The following RUNX1 variants were observed in gnomAD, a reference collection of about 807,000 sequenced individuals.
RUNX1 encodes runt-related transcription factor 1.
Under a neutral mutation model 42.8 loss-of-function variants are expected in RUNX1, and 19 were observed. That is an observed-to-expected ratio of 0.44 (90% CI 0.31 to 0.65). The LOEUF is 0.65. RUNX1 is among the 30% of genes least tolerant of loss of function. The pLI, the probability that RUNX1 is intolerant of heterozygous loss-of-function variation, is 0.07. For missense variants in RUNX1, 528 were observed against 672.0 expected (o/e 0.79, Z 2.37); for synonymous variants, 271 against 289.4 (o/e 0.94, Z 0.64).
At chr21:34,952,645 T>C (rs2058617228) in intron 2 of RUNX1, among the ~76,000 whole-genome samples, 1 of 152,166 alleles carries the variant, frequency 6.6e-6, no homozygotes, top group East Asian at 1.9e-4. Flanking sequence ...AACACCTCTC[T>C]AGAAGGTAAA....
intron 2 of RUNX1, among the ~76,000 whole-genome samples, chr21:34,972,731 T>C (rs1198402073): frequency 6.6e-6 from 1 of 152,200 alleles, no homozygotes; most frequent in Non-Finnish European, 1.5e-5. Flanking sequence ...ATTGATTAAC[T>C]CTACAAAGAA....
intron 2 of RUNX1, 90 bp downstream of exon 2, chr21:35,048,752 G>C: frequency 9.4e-7 from 1 of 1,062,282 alleles, no homozygotes; most frequent in South Asian, 1.3e-5. Context: ...CAGGCACCGA[G>C]GCATCTCTGC....
At chr21:34,821,516 C>G (rs1357569350) in intron 7 of RUNX1, 1 of 1,502,180 alleles carries the variant, frequency 6.7e-7, no homozygotes, top group East Asian at 2.5e-5. Flanking sequence ...GGAGAAGGGA[C>G]ACGGAGGAAT....
chr21:35,026,136 T>C (rs915739486), intron 2 of RUNX1, among the ~76,000 whole-genome samples: 1 of 152,202 alleles, frequency 6.6e-6, no homozygotes, highest in Non-Finnish European at 1.5e-5. Context: ...GCTTGTACTT[T>C]TTAATGCTCA....
chr21:34,918,122 T>C (rs1221623654), intron 2 of RUNX1, among the ~76,000 whole-genome samples: 1 of 117,252 alleles, frequency 8.5e-6, no homozygotes. Context: ...GGTGAGACTC[T>C]GTCTCAAAAA....
At chr21:34,930,214 CATGTATATATATT>C (rs1402795430) in intron 2 of RUNX1, among the ~76,000 whole-genome samples, 2 of 133,398 alleles carry the variant, frequency 1.5e-5, no homozygotes, top group African/African-American at 6.3e-5. Context: ...TACATATATA[CATGTATATATATT>C]ATATATACAT....
chr21:34,979,053 A>C (rs2058826415), intron 2 of RUNX1, among the ~76,000 whole-genome samples: 1 of 151,724 alleles, frequency 6.6e-6, no homozygotes, highest in Non-Finnish European at 1.5e-5. Flanking sequence ...GAGAGAGTAA[A>C]GATCTCTCGT....
intron 2 of RUNX1, among the ~76,000 whole-genome samples, chr21:35,032,934 G>C (rs1350335109): frequency 1.3e-5 from 2 of 152,158 alleles, no homozygotes; most frequent in Admixed American, 1.3e-4. Flanking sequence ...CACAGGACTG[G>C]TGAAGCTCCC....
At chr21:34,818,160 G>A (rs2056856300) in intron 7 of RUNX1, among the ~76,000 whole-genome samples, 1 of 152,214 alleles carries the variant, frequency 6.6e-6, no homozygotes, top group South Asian at 2.1e-4. Context: ...CAGTGCTGGG[G>A]TGGGGTGGGG....
chr21:34,810,237 A>G (rs1220852161), intron 7 of RUNX1, among the ~76,000 whole-genome samples: 2 of 152,256 alleles, frequency 1.3e-5, no homozygotes, highest in African/African-American at 4.8e-5. Context: ...GAAAAATTCT[A>G]GAGTGGCTTG....
At chr21:35,039,445 T>G (rs1277453909) in intron 2 of RUNX1, among the ~76,000 whole-genome samples, 2 of 152,128 alleles carry the variant, frequency 1.3e-5, no homozygotes, top group African/African-American at 4.8e-5. Flanking sequence ...TAATTATAGA[T>G]TTTAAAAAAT....
chr21:34,924,619 G>C (rs948065779), intron 2 of RUNX1, among the ~76,000 whole-genome samples: 2 of 152,136 alleles, frequency 1.3e-5, no homozygotes, highest in African/African-American at 4.8e-5. Context: ...GTCTCCTTGG[G>C]CATGAGACCA....
chr21:35,009,692 C>T (rs562802078), intron 2 of RUNX1, among the ~76,000 whole-genome samples: 1 of 152,288 alleles, frequency 6.6e-6, no homozygotes, highest in South Asian at 2.1e-4. Context: ...CTGCTCATTC[C>T]TCTTGCCAGC....
chr21:34,791,114 A>G lies in RUNX1; in HGVS notation c.*1021T>C, dbSNP rs1037833421. ...GTGACCCTCAGTGTCTAAAAATCCT[A>G]TTAAAAACGTTGCTGCGTGAGCTAC... On this transcript the variant is annotated 3_prime_UTR_variant, in exon 9 of 9. Transcript: ENST00000675419. The G allele has an allele frequency of 2.1e-5, 5 of 233,670 alleles. No individual in the cohort carries two copies. Among genetic ancestry groups the G allele is most frequent in the East Asian group, 6.0e-5 (1 of 16,556 alleles). 14.5% of individuals were successfully genotyped at this position (233,670 alleles called of 1,614,324 possible).
Position 34,949,667 on chromosome 21 carries a change from G to A in RUNX1, c.59-56704C>T, listed in dbSNP as rs983189315. Among the ~76,000 whole-genome samples the A allele has an allele frequency of 2.0e-5, 3 of 152,326 alleles. No individual in the cohort carries two copies. The East Asian group carries it at 5.8e-4, about 29-fold the overall frequency. ...CCCAATCGCTGTGGATGCCACACCC[G>A]CGCCAGCGAGGGCAGGCTGATAGAG... On this transcript the variant is annotated intron_variant, in intron 2 of 8. Coordinates refer to ENST00000675419, the MANE Select transcript of RUNX1 (RefSeq NM_001754.5).
chr21:35,014,272 G>A (rs755815213), intron 2 of RUNX1, among the ~76,000 whole-genome samples: 2 of 152,176 alleles, frequency 1.3e-5, no homozygotes, highest in Non-Finnish European at 2.9e-5. Flanking sequence ...CAGTTTTCAT[G>A]TTGCGTGCCA....
At chr21:35,010,645 A>G (rs1346253339) in intron 2 of RUNX1, among the ~76,000 whole-genome samples, 1 of 151,782 alleles carries the variant, frequency 6.6e-6, no homozygotes, top group African/African-American at 2.4e-5. Flanking sequence ...ACACACACAC[A>G]CACACACTCA....
At chr21:34,847,590 C>T (rs2057335761) in intron 6 of RUNX1, among the ~76,000 whole-genome samples, 1 of 152,096 alleles carries the variant, frequency 6.6e-6, no homozygotes, top group African/African-American at 2.4e-5. Context: ...GAACCCTGTG[C>T]AGTAGGCAGA....
intron 5 of RUNX1, among the ~76,000 whole-genome samples, chr21:34,878,646 C>T (rs2057851952): frequency 6.6e-6 from 1 of 152,080 alleles, no homozygotes; most frequent in Admixed American, 6.6e-5. Flanking sequence ...ACGAATCCTG[C>T]AGCCAAATGC....
Sources: allele counts gnomAD v4.1 joint callset (sites outside exome capture counted in the v4.1 genomes callset), GRCh38; gene constraint gnomAD v4.1.1; transcripts MANE v1.5; gene names NCBI Gene and HGNC (gene_info 2026-07-23, HGNC 2026-07-21).